Variants in SPIDR observed in about 807,000 individuals in gnomAD.
SPIDR encodes the protein scaffold protein involved in DNA repair.
SPIDR carries 93 observed loss-of-function variants against 104.6 expected under a neutral mutation model. The ratio of observed to expected loss-of-function variants is 0.89; its 90% CI spans 0.75 to 1.06. The LOEUF (loss-of-function observed/expected upper bound fraction) is 1.06, where lower values mean the gene tolerates loss of function less well. SPIDR is among the 50% of genes least tolerant of loss of function. The pLI is 0.00. For missense variants in SPIDR, 1,154 were observed against 1,111.2 expected (o/e 1.04, Z -0.55); for synonymous variants, 431 against 416.9 (o/e 1.03, Z -0.41).
At chr8:47,523,270 T>C (rs1428419443) in intron 8 of SPIDR, among the ~76,000 whole-genome samples, 3 of 152,198 alleles carry the variant, frequency 2.0e-5, no homozygotes, top group Non-Finnish European at 4.4e-5. Context: ...ATTGAAAACC[T>C]ATTTCGTTTT....
At chr8:47,349,447 T>C (rs934567014) in intron 5 of SPIDR, among the ~76,000 whole-genome samples, 2 of 152,216 alleles carry the variant, frequency 1.3e-5, no homozygotes, top group South Asian at 2.1e-4. Flanking sequence ...GAGGAGGCAG[T>C]GTGTCTGTTC....
intron 5 of SPIDR, among the ~76,000 whole-genome samples, chr8:47,299,012 G>A (rs1253503620): frequency 2.0e-5 from 3 of 152,156 alleles, no homozygotes; most frequent in Non-Finnish European, 2.9e-5. Flanking sequence ...TAGCTTGATG[G>A]GGATGGCATT....
rs190404287 is a variant in SPIDR at position 47,418,883 on chromosome 8, T to C, written c.877+10922T>C. ...TACATCTATTGAGATATTCATGTGG[T>C]TTTTGTCATTGGTTTTGTTTATATG... On this transcript the variant is annotated intron_variant, in intron 7 of 19. Transcript: ENST00000297423. Among the ~76,000 whole-genome samples, 17 of 152,298 alleles carry C rather than the reference T, an allele frequency of 1.1e-4. No individual in the cohort carries two copies. The East Asian group carries it at 3.3e-3, about 29-fold the overall frequency.
chr8:47,437,797 T>G lies in SPIDR; in HGVS notation c.878-2526T>G, dbSNP rs552801107. On this transcript the variant is annotated intron_variant, in intron 7 of 19. Coordinates refer to ENST00000297423, the MANE Select transcript of SPIDR (RefSeq NM_001080394.4). ...CACTTTTACACTGTTGGTGGGACTG[T>G]AAACTAGTTCAACCATTGTGGAAGT... is the stretch of plus-strand genomic sequence containing the variant. Among the ~76,000 whole-genome samples the G allele has an allele frequency of 3.6e-3, 541 of 152,148 alleles. 5 individuals are homozygous for G. The highest frequency in any genetic ancestry group is 0.012 in the African/African-American group (499 of 41,504).
At chr8:47,669,855 C>T (rs547517106) in intron 10 of SPIDR, among the ~76,000 whole-genome samples, 29 of 152,190 alleles carry the variant, frequency 1.9e-4, no homozygotes, top group Non-Finnish European at 3.8e-4. Context: ...CAAAAATTAG[C>T]CGGGCGTGGT....
chr8:47,338,582 C>T (rs2050174633), intron 5 of SPIDR, among the ~76,000 whole-genome samples: 1 of 152,020 alleles, frequency 6.6e-6, no homozygotes, highest in Admixed American at 6.6e-5. Flanking sequence ...CCAGGAAAAG[C>T]AGATAGAACA....
At chr8:47,587,632 A>AG (rs2060403247) in intron 8 of SPIDR, among the ~76,000 whole-genome samples, 1 of 146,170 alleles carries the variant, frequency 6.8e-6, no homozygotes, top group Non-Finnish European at 1.5e-5. Flanking sequence ...AAAAAAAAAA[A>AG]TCAACTGGTG....
At chr8:47,381,793 C>T (rs1296781788) in intron 5 of SPIDR, among the ~76,000 whole-genome samples, 4 of 152,216 alleles carry the variant, frequency 2.6e-5, no homozygotes, top group African/African-American at 7.2e-5. Context: ...CCCCGTGGCA[C>T]GCCTTTGCAT....
chr8:47,600,146 T>C (rs189515270), intron 10 of SPIDR, among the ~76,000 whole-genome samples: 52 of 152,376 alleles, frequency 3.4e-4, no homozygotes, highest in Non-Finnish European at 6.5e-4. Flanking sequence ...ATTAAAAGTA[T>C]AGATGCTACT....
chr8:47,420,791 C>G (rs2065295128), intron 7 of SPIDR, among the ~76,000 whole-genome samples: 2 of 152,306 alleles, frequency 1.3e-5, no homozygotes, highest in Admixed American at 6.5e-5. Flanking sequence ...CCTTCAGGAG[C>G]TCTTTTAGGG....
chr8:47,434,779 G>A lies in SPIDR; in HGVS notation c.878-5544G>A, dbSNP rs142518319. Among the ~76,000 whole-genome samples the A allele has an allele frequency of 2.0e-4, 30 of 151,440 alleles. No individual in the cohort carries two copies. The East Asian group carries it at 5.9e-3, about 30-fold the overall frequency. On this transcript the variant is annotated intron_variant, in intron 7 of 19. Transcript: ENST00000297423. Reference sequence around the variant, plus strand: ...AACTTGCTTCACTTTGTCCTTTCTTGTATAGTTATTTGTTATACTCATATA... The same window carrying A: ...AACTTGCTTCACTTTGTCCTTTCTTATATAGTTATTTGTTATACTCATATA...
intron 11 of SPIDR, among the ~76,000 whole-genome samples, chr8:47,683,551 T>C (rs2077359041): frequency 6.6e-6 from 1 of 152,212 alleles, no homozygotes; most frequent in African/African-American, 2.4e-5. Flanking sequence ...ATCCCTTTTC[T>C]GAAATGCTTA....
intron 5 of SPIDR, among the ~76,000 whole-genome samples, chr8:47,320,068 G>A (rs1320163548): frequency 3.3e-5 from 5 of 152,174 alleles, no homozygotes; most frequent in African/African-American, 1.2e-4. Flanking sequence ...ACATTCAAAA[G>A]CTAGCAGAAG....
chr8:47,282,712 A>G (rs1468025981), intron 2 of SPIDR, among the ~76,000 whole-genome samples: 2 of 152,222 alleles, frequency 1.3e-5, no homozygotes, highest in African/African-American at 4.8e-5. Context: ...TATTCACTGG[A>G]GTAGCACTTT....
intron 15 of SPIDR, chr8:47,713,097 C>T (rs2154488625): frequency 2.5e-6 from 3 of 1,207,596 alleles, no homozygotes; most frequent in Non-Finnish European, 3.2e-6. Context: ...TCCAGAATTG[C>T]CTGCTGGTGG....
At chr8:47,369,810 C>A (rs117861964) in intron 5 of SPIDR, among the ~76,000 whole-genome samples, 1,565 of 152,212 alleles carry the variant, frequency 0.01, 16 homozygotes, top group Non-Finnish European at 0.017. Flanking sequence ...AATATTTTAA[C>A]CACAGTCTAA....
At chr8:47,707,541 A>G (rs888133056) in intron 14 of SPIDR, among the ~76,000 whole-genome samples, 23 of 152,210 alleles carry the variant, frequency 1.5e-4, no homozygotes, top group East Asian at 1.9e-4. Context: ...TCTAAATTCT[A>G]TTTTTATCCT....
chr8:47,603,189 T>C (rs1337988710), intron 10 of SPIDR, among the ~76,000 whole-genome samples: 1 of 151,734 alleles, frequency 6.6e-6, no homozygotes, highest in East Asian at 1.9e-4. Context: ...GCACTGGCCT[T>C]CGAGGTAACT....
intron 8 of SPIDR, among the ~76,000 whole-genome samples, chr8:47,440,779 A>G (rs2069269739): frequency 6.6e-6 from 1 of 152,226 alleles, no homozygotes; most frequent in Non-Finnish European, 1.5e-5. Flanking sequence ...AAACAACCAT[A>G]TTAAGACTCT....
Sources: allele counts gnomAD v4.1 joint callset (sites outside exome capture counted in the v4.1 genomes callset), GRCh38; gene constraint gnomAD v4.1.1; transcripts MANE v1.5; gene names NCBI Gene and HGNC (gene_info 2026-07-23, HGNC 2026-07-21).